The following MGA variants were observed in gnomAD, a reference collection of about 807,000 sequenced individuals.
The protein encoded by MGA is MAX gene-associated protein.
MGA carries 40 observed loss-of-function variants against 261.1 expected under a neutral mutation model. The ratio of observed to expected loss-of-function variants is 0.15; its 90% CI spans 0.12 to 0.20. The LOEUF (loss-of-function observed/expected upper bound fraction) is 0.20. Ranked by LOEUF, MGA falls within the 10% of genes least tolerant of loss-of-function variation. MGA has a pLI of 1.00. For synonymous variants in MGA, 1,302 were observed against 1,290.6 expected, an observed-to-expected ratio of 1.01 and a Z score of -0.19; for missense variants, 3,397 against 3,630.5, an observed-to-expected ratio of 0.94 and a Z score of 1.65.
intron 2 of MGA, among the ~76,000 whole-genome samples, chr15:41,683,272 G>A (rs548239734): frequency 6.6e-6 from 1 of 152,070 alleles, no homozygotes; most frequent in African/African-American, 2.4e-5. Context: ...AGGCTGGAGT[G>A]CTGGGACACA....
At chr15:41,667,580 A>G (rs1293659581) in intron 1 of MGA, among the ~76,000 whole-genome samples, 1 of 151,782 alleles carries the variant, frequency 6.6e-6, no homozygotes, top group Non-Finnish European at 1.5e-5. Context: ...GACTTTCACT[A>G]CGTTGGACAG....
intron 13 of MGA, among the ~76,000 whole-genome samples, chr15:41,739,633 A>G (rs1233273953): frequency 6.6e-6 from 1 of 152,222 alleles, no homozygotes. Flanking sequence ...GATAACTTTC[A>G]CATAACTAGG....
intron 5 of MGA, among the ~76,000 whole-genome samples, chr15:41,701,803 T>C (rs1401022445): frequency 6.6e-6 from 1 of 152,238 alleles, no homozygotes; most frequent in Non-Finnish European, 1.5e-5. Context: ...ACTTTTCACC[T>C]TCTTTATAGA....
chr15:41,716,582 A>G lies in MGA; in HGVS notation c.3430+3086A>G, dbSNP rs559785471. ...TACCAAAAATGGACAAAGAAAAAAT[A>G]TAAAAACTGGAAAAGTTGAAATCCT... is the stretch of plus-strand genomic sequence containing the variant. On this transcript the variant is annotated intron_variant, in intron 9 of 23. Transcript: ENST00000219905. 3.3e-5 allele frequency among the ~76,000 whole-genome samples: 5 copies of G among 152,336 alleles called. No homozygotes were observed. In the South Asian group the frequency reaches 1.0e-3, roughly 32 times the overall value.
intron 8 of MGA, 40 bp downstream of exon 8, chr15:41,711,389 GCT>G: frequency 6.6e-7 from 1 of 1,524,682 alleles, no homozygotes; most frequent in Non-Finnish European, 8.8e-7. Context: ...TTAGTGCTTG[GCT>G]AGAAAGAGCG....
Position 41,748,736 on chromosome 15 carries a change from C to G in MGA, c.5312C>G (p.Ser1771Cys), listed in dbSNP as rs1290068587. Reference sequence around the variant, plus strand: ...TTGTTGATTCCAGTGCAGCAGGGTTCTCCTACTCTTAGACCTGTCTCAAAC... The same window carrying G: ...TTGTTGATTCCAGTGCAGCAGGGTTGTCCTACTCTTAGACCTGTCTCAAAC... The change falls in exon 16 of 24, where the codon TCT (serine) becomes TGT (cysteine). Residue 1771 changes from serine (S) to cysteine (C), a missense_variant. Physicochemically the swap from Ser to Cys is moderately radical, Grantham distance 112. This residue lies in a region of MGA where 1,410 missense variants were observed against 1,386.4 expected (regional missense o/e 1.02). Coordinates refer to ENST00000219905, the MANE Select transcript of MGA (RefSeq NM_001164273.2). The G allele has an allele frequency of 6.2e-7, 1 of 1,613,956 alleles. No individual in the cohort carries two copies. Among genetic ancestry groups the G allele is most frequent in the Non-Finnish European group, 8.5e-7 (1 of 1,179,894 alleles).
At chr15:41,630,087 C>G (rs2056554857) in intron 1 of MGA, among the ~76,000 whole-genome samples, 1 of 152,114 alleles carries the variant, frequency 6.6e-6, no homozygotes, top group African/African-American at 2.4e-5. Context: ...TGTCTGAGTA[C>G]TCTACATCAT....
intron 7 of MGA, among the ~76,000 whole-genome samples, chr15:41,710,235 G>T (rs1385895459): frequency 6.6e-6 from 1 of 152,102 alleles, no homozygotes; most frequent in Non-Finnish European, 1.5e-5. Context: ...AAGAATTAGT[G>T]CCTCAATAAA....
chr15:41,656,919 G>C (rs549679698), upstream of MGA, among the ~76,000 whole-genome samples: 9 of 152,018 alleles, frequency 5.9e-5, no homozygotes, highest in African/African-American at 2.2e-4. Flanking sequence ...TGGGACTGCA[G>C]GCACCACCAC....
In MGA at chr15:41,700,041, G is replaced by GTTTTT. The variant is rs763919635; in HGVS notation, c.2188+901_2188+905dup. Among the ~76,000 whole-genome samples, 83 of 101,552 alleles carry GTTTTT rather than the reference G, an allele frequency of 8.2e-4. 3 individuals are homozygous for GTTTTT. Among genetic ancestry groups the GTTTTT allele is most frequent in the East Asian group, 6.2e-3 (15 of 2,428 alleles). 66.6% of individuals were successfully genotyped at this position (101,552 alleles called of 152,430 possible). A position where few individuals can be genotyped will look rare whatever the true frequency, so the allele number is the denominator to read the frequency against. Reference sequence around the variant, plus strand: ...CTGTACCTATCAACCTGTCATCGAGGTTTTTTTTTTTTTTTTTTTTTTTGA... The same window carrying GTTTTT: ...CTGTACCTATCAACCTGTCATCGAGGTTTTTTTTTTTTTTTTTTTTTTTTTTTTGA... On this transcript the variant is annotated intron_variant, in intron 5 of 23. Transcript: ENST00000219905.
chr15:41,646,239 C>T (rs1280386942), intron 1 of MGA, among the ~76,000 whole-genome samples: 1 of 152,112 alleles, frequency 6.6e-6, no homozygotes, highest in Admixed American at 6.6e-5. Context: ...AGGTGATATT[C>T]AGAAGCTTAC....
Position 41,766,248 on chromosome 15 carries a change from C to T in MGA, c.8166C>T (p.Asn2722=). Reference sequence around the variant, plus strand: ...GTCCAACGCAGGTTTTTCTGGCAAACAAAGATTCTGGTTATCCACAAATAG... The same window carrying T: ...GTCCAACGCAGGTTTTTCTGGCAAATAAAGATTCTGGTTATCCACAAATAG... Residue 2722 remains asparagine, a synonymous_variant, in exon 24 of 24, where the codon AAC becomes AAT. Coordinates refer to ENST00000219905, the MANE Select transcript of MGA (RefSeq NM_001164273.2). The T allele has an allele frequency of 6.2e-7, 1 of 1,613,864 alleles. No homozygotes were observed. Among genetic ancestry groups the T allele is most frequent in the Non-Finnish European group, 8.5e-7 (1 of 1,179,860 alleles).
intron 1 of MGA, among the ~76,000 whole-genome samples, chr15:41,632,539 C>G (rs1401718591): frequency 1.3e-5 from 2 of 152,158 alleles, no homozygotes; most frequent in African/African-American, 4.8e-5. Context: ...TAAAATTTGC[C>G]TCAGCATACC....
chr15:41,726,527 G>A (rs934430020), intron 9 of MGA, among the ~76,000 whole-genome samples: 1 of 151,970 alleles, frequency 6.6e-6, no homozygotes, highest in African/African-American at 2.4e-5. Context: ...CCAGGAGTTC[G>A]AGACCAGCCT....
At chr15:41,638,333 C>G (rs970760387) in intron 1 of MGA, among the ~76,000 whole-genome samples, 1 of 150,822 alleles carries the variant, frequency 6.6e-6, no homozygotes, top group African/African-American at 2.4e-5. Flanking sequence ...ATGTGCCTGG[C>G]CAGATATGGG....
At position 41,760,308 on chromosome 15, in the gene MGA, A is replaced by C; in HGVS notation, c.7192-15A>C. The C allele has an allele frequency of 6.2e-7, 1 of 1,613,524 alleles. No homozygotes were observed. ...ACATGTTCAAGATGTTTAGGAGGCA[A>C]TCTTGTTTGGACAGGCTCCACCAAT... On this transcript the variant is annotated splice_polypyrimidine_tract_variant and intron_variant, in intron 19 of 23. Transcript: ENST00000219905.
rs374993982 is a variant in MGA at position 41,725,957 on chromosome 15, A to C, written c.3431-1223A>C. Among the ~76,000 whole-genome samples the C allele has an allele frequency of 1.0e-3, 158 of 152,048 alleles. 1 individual carries two copies. The highest frequency in any genetic ancestry group is 3.7e-3 in the African/African-American group (153 of 41,422). ...TCAATGCATATTTTCCTTTGTGCACATTTTTTGGGGGATTATTTATTAACA... is the reference window on the plus strand; with the variant it reads ...TCAATGCATATTTTCCTTTGTGCACCTTTTTTGGGGGATTATTTATTAACA... On this transcript the variant is annotated intron_variant, in intron 9 of 23. Transcript: ENST00000219905.
chr15:41,764,802 C>G (rs1036510064), intron 22 of MGA, 84 bp from the exon 23 acceptor site: 2 of 1,411,170 alleles, frequency 1.4e-6, no homozygotes, highest in African/African-American at 2.8e-5. Flanking sequence ...CCTCAGCCTC[C>G]CAAAGTGCTG....
upstream of MGA, among the ~76,000 whole-genome samples, chr15:41,657,478 C>T (rs2057230553): frequency 6.6e-6 from 1 of 150,852 alleles, no homozygotes; most frequent in Admixed American, 6.6e-5. Context: ...CTTAGCCTCC[C>T]GTGTGGCTGG....
Sources: allele counts gnomAD v4.1 joint callset (sites outside exome capture counted in the v4.1 genomes callset), GRCh38; gene constraint gnomAD v4.1.1; regional missense constraint gnomAD v4.1.1; transcripts MANE v1.5; gene names NCBI Gene and HGNC (gene_info 2026-07-23, HGNC 2026-07-21).